AATF: variants seen among roughly 807,000 people sequenced by gnomAD.
AATF encodes protein AATF.
In AATF, 48 loss-of-function variants were observed where a neutral mutation model predicts 63.7. The ratio of observed to expected loss-of-function variants is 0.75; its 90% CI spans 0.60 to 0.96. The LOEUF is 0.96. Among genes scored for constraint, AATF ranks in the 40% least tolerant of loss-of-function variants. The pLI is 0.00. For synonymous variants in AATF, 258 were observed against 247.7 expected, an observed-to-expected ratio of 1.04 and a Z score of -0.39; for missense variants, 639 against 685.7, an observed-to-expected ratio of 0.93 and a Z score of 0.76.
intron 4 of AATF, among the ~76,000 whole-genome samples, chr17:36,983,132 C>T (rs1029585391): frequency 2.0e-5 from 3 of 152,060 alleles, no homozygotes; most frequent in Non-Finnish European, 4.4e-5. Context: ...GCCTCAACCA[C>T]CTAGGCTTAA....
intron 10 of AATF, among the ~76,000 whole-genome samples, chr17:37,023,987 C>T (rs574587750): frequency 1.1e-4 from 17 of 152,058 alleles, no homozygotes; most frequent in Admixed American, 4.6e-4. Flanking sequence ...TCAATATGAA[C>T]GCCATGTAAA....
chr17:37,010,231 G>A (rs1297927536), intron 8 of AATF, among the ~76,000 whole-genome samples: 3 of 152,118 alleles, frequency 2.0e-5, no homozygotes, highest in African/African-American at 7.2e-5. Context: ...GAGGCGGGCG[G>A]ATCACGAGGT....
At chr17:36,957,160 T>G (rs966207621) in intron 4 of AATF, among the ~76,000 whole-genome samples, 9 of 152,320 alleles carry the variant, frequency 5.9e-5, no homozygotes, top group African/African-American at 2.2e-4. Context: ...TACAGAGTAG[T>G]TAAAGTCAGA....
chr17:37,022,113 C>CGTGT (rs71159679), intron 10 of AATF, among the ~76,000 whole-genome samples: 6,269 of 145,352 alleles, frequency 0.043, 220 homozygotes, highest in African/African-American at 0.098. Context: ...TGGTAACTGC[C>CGTGT]GTGTGTGTGT....
At chr17:36,960,924 C>T (rs1016065123) in intron 4 of AATF, among the ~76,000 whole-genome samples, 3 of 152,072 alleles carry the variant, frequency 2.0e-5, no homozygotes, top group Admixed American at 6.6e-5. Flanking sequence ...TTTCAAAGAT[C>T]GGAAAATACA....
chr17:37,041,268 G>A (rs772011615), intron 11 of AATF, among the ~76,000 whole-genome samples: 5 of 152,110 alleles, frequency 3.3e-5, no homozygotes, highest in Admixed American at 1.3e-4. Flanking sequence ...TATGGAATAT[G>A]TATTATTGTT....
intron 8 of AATF, among the ~76,000 whole-genome samples, chr17:37,009,025 T>C (rs1393682182): frequency 1.3e-5 from 2 of 152,198 alleles, no homozygotes; most frequent in East Asian, 3.8e-4. Context: ...AAGAACCAAC[T>C]TTTTCCTTTA....
intron 11 of AATF, among the ~76,000 whole-genome samples, chr17:37,044,051 T>G (rs2071667800): frequency 6.6e-6 from 1 of 152,358 alleles, no homozygotes; most frequent in East Asian, 1.9e-4. Context: ...AGAGGCTTCC[T>G]GTCTGAGATG....
At chr17:37,054,121 C>T (rs2071777375) in intron 11 of AATF, among the ~76,000 whole-genome samples, 1 of 150,408 alleles carries the variant, frequency 6.6e-6, no homozygotes, top group Non-Finnish European at 1.5e-5. Context: ...AAGCCAGGAC[C>T]TGGAAAGAGG....
intron 8 of AATF, among the ~76,000 whole-genome samples, chr17:37,004,844 G>T (rs184588661): frequency 2.1e-3 from 316 of 152,238 alleles, no homozygotes; most frequent in African/African-American, 7.0e-3. Flanking sequence ...TGAAAGTGAG[G>T]CCAGTTTGCA....
intron 8 of AATF, among the ~76,000 whole-genome samples, chr17:36,993,184 G>A (rs1020856429): frequency 2.0e-5 from 3 of 152,112 alleles, no homozygotes; most frequent in Admixed American, 6.5e-5. Context: ...TCCTAGCCTC[G>A]TACATCACAT....
At chr17:36,959,572 G>A (rs144982041) in intron 4 of AATF, among the ~76,000 whole-genome samples, 33 of 152,120 alleles carry the variant, frequency 2.2e-4, no homozygotes, top group African/African-American at 6.3e-4. Context: ...TTTCTGTAAC[G>A]GGTACTCTAC....
chr17:37,030,343 T>C (rs1376582459), intron 10 of AATF, among the ~76,000 whole-genome samples: 1 of 152,230 alleles, frequency 6.6e-6, no homozygotes, highest in Non-Finnish European at 1.5e-5. Flanking sequence ...TTGATATGTG[T>C]AAAAATGTTC....
chr17:37,043,945 A>C (rs1460687657), intron 11 of AATF, among the ~76,000 whole-genome samples: 1 of 152,236 alleles, frequency 6.6e-6, no homozygotes, highest in Non-Finnish European at 1.5e-5. Context: ...TTAAATAAAC[A>C]AACTTTGTGT....
rs759481992 is a variant in AATF, at chr17:36,949,083, A to T, written c.-43A>T. ...GCTTCGGGGCCGGGGGTTGGGCCGC[A>T]CATTTACGTGCGCGAAGCGGAGTGG... is the stretch of plus-strand genomic sequence containing the variant. On this transcript the variant is annotated 5_prime_UTR_variant, in exon 1 of 12. Transcript: ENST00000619387. 1 of 1,500,030 alleles carries T rather than the reference A, an allele frequency of 6.7e-7. No individual in the cohort carries two copies. The highest frequency in any genetic ancestry group is 2.0e-5 in the Admixed American group (1 of 50,726). The allele number at this position is 1,500,030 out of a possible 1,614,324, so 92.9% of individuals were successfully genotyped here. A position where few individuals can be genotyped will look rare whatever the true frequency, so the allele number is the denominator to read the frequency against.
chr17:37,017,513 G>T (rs1351759196), intron 8 of AATF, among the ~76,000 whole-genome samples: 1 of 152,078 alleles, frequency 6.6e-6, no homozygotes, highest in Non-Finnish European at 1.5e-5. Flanking sequence ...GTATTTAGCT[G>T]CCAGAAGTGA....
intron 11 of AATF, among the ~76,000 whole-genome samples, chr17:37,044,416 C>T (rs1267683559): frequency 6.6e-6 from 1 of 152,102 alleles, no homozygotes; most frequent in Non-Finnish European, 1.5e-5. Context: ...CCACCCTTTG[C>T]TTAGAGGGTT....
intron 8 of AATF, among the ~76,000 whole-genome samples, chr17:37,009,464 T>A (rs1227406246): frequency 4.6e-5 from 7 of 151,920 alleles, no homozygotes; most frequent in African/African-American, 7.2e-5. Context: ...TGGTTTTTTT[T>A]ATTTTAAATT....
intron 4 of AATF, among the ~76,000 whole-genome samples, chr17:36,966,320 A>AGTGAT (rs2070990990): frequency 6.6e-6 from 1 of 151,960 alleles, no homozygotes; most frequent in Non-Finnish European, 1.5e-5. Context: ...GCTGGAGTGT[A>AGTGAT]GTGATGTGAT....
Sources: allele counts gnomAD v4.1 joint callset (sites outside exome capture counted in the v4.1 genomes callset), GRCh38; gene constraint gnomAD v4.1.1; transcripts MANE v1.5; gene names NCBI Gene and HGNC (gene_info 2026-07-23, HGNC 2026-07-21).